Variants in VWA2 observed in about 807,000 individuals in gnomAD.
VWA2 encodes the protein von Willebrand factor A domain-containing protein 2.
In VWA2, 73 loss-of-function variants were observed where a neutral mutation model predicts 70.4. The ratio of observed to expected loss-of-function variants is 1.04; its 90% CI spans 0.86 to 1.26. The LOEUF (loss-of-function observed/expected upper bound fraction) is 1.26. Ranked by LOEUF, VWA2 falls within the 50% of genes most tolerant of loss-of-function variation. VWA2 has a pLI of 0.00. For synonymous variants in VWA2, 407 were observed against 423.3 expected, an observed-to-expected ratio of 0.96 and a Z score of 0.47; for missense variants, 1,011 against 998.5, an observed-to-expected ratio of 1.01 and a Z score of -0.17.
At chr10:114,277,050 A>G (rs2037860944) in intron 6 of VWA2, among the ~76,000 whole-genome samples, 1 of 151,650 alleles carries the variant, frequency 6.6e-6, no homozygotes. Flanking sequence ...GAGAATGGGA[A>G]GTTTTACAGA....
At chr10:114,288,163 G>A (rs2039141265) in intron 11 of VWA2, among the ~76,000 whole-genome samples, 1 of 152,184 alleles carries the variant, frequency 6.6e-6, no homozygotes, top group South Asian at 2.1e-4. Flanking sequence ...CACAGGAGAG[G>A]CCTTCTGGCT....
intron 1 of VWA2, chr10:114,246,275 C>G (rs1242513765): frequency 1.1e-4 from 74 of 664,842 alleles, no homozygotes; most frequent in South Asian, 1.1e-3. Flanking sequence ...CCGAGGCGGT[C>G]GTATCACCTG....
At position 114,290,354 on chromosome 10, in the gene VWA2, A is replaced by T. The variant is rs1464603137; in HGVS notation, c.2237A>T (p.His746Leu). The T allele has an allele frequency of 6.4e-7, 1 of 1,550,398 alleles. No homozygotes were observed. Among genetic ancestry groups the T allele is most frequent in the South Asian group, 1.2e-5 (1 of 84,062 alleles). The stretch of plus-strand genomic sequence containing the variant: ...TGTCGGGATGGCTGGGAGGGCCCCC[A>T]CTGCGAGAACCGTGAGTGGAGCTCT... The part of the protein sequence containing the change: ...CKCRDGWEGP[H>L]CENRFLRRP Residue 746 changes from histidine (H) to leucine (L), a missense_variant, in exon 13 of 14, where the codon CAC becomes CTC. Physicochemically the swap from His to Leu is moderately conservative, Grantham distance 99. Coordinates refer to ENST00000392982, the MANE Select transcript of VWA2 (RefSeq NM_001272046.2).
intron 11 of VWA2, among the ~76,000 whole-genome samples, chr10:114,288,724 T>G (rs193197594): frequency 5.9e-5 from 9 of 152,286 alleles, no homozygotes; most frequent in African/African-American, 2.2e-4. Flanking sequence ...TGCCAGGAAG[T>G]CTGGGAAATG....
chr10:114,279,026 A>G (rs879917038), intron 8 of VWA2, among the ~76,000 whole-genome samples, 175 bp downstream of exon 8: 2 of 152,146 alleles, frequency 1.3e-5, no homozygotes, highest in Non-Finnish European at 2.9e-5. Context: ...ACAGCTACTC[A>G]GTGTCAGCAT....
At chr10:114,256,530 G>A (rs2037331721) in intron 4 of VWA2, among the ~76,000 whole-genome samples, 1 of 152,118 alleles carries the variant, frequency 6.6e-6, no homozygotes, top group Admixed American at 6.6e-5. Flanking sequence ...GAGTTGACAG[G>A]GCACAAGGCC....
intron 10 of VWA2, among the ~76,000 whole-genome samples, chr10:114,285,321 G>A (rs893069347): frequency 5.9e-5 from 9 of 152,238 alleles, no homozygotes; most frequent in African/African-American, 1.7e-4. Context: ...TGAAAGCAGA[G>A]CAAGGAGCCC....
chr10:114,244,700 G>T (rs1024213298), intron 1 of VWA2, among the ~76,000 whole-genome samples: 2 of 152,204 alleles, frequency 1.3e-5, no homozygotes, highest in African/African-American at 4.8e-5. Context: ...GGAAAATTTT[G>T]ATATGAGAGG....
Position 114,288,933 on chromosome 10 carries a change from T to C in VWA2, c.1571-5T>C. 6.3e-7 allele frequency: 1 copy of C among 1,598,218 alleles called. No individual in the cohort carries two copies. ...CTGCTGAAGCCCCTCTGCTTGCTCC[T>C]GCAGGGTGCCGGACACAAGCCCTGG... On this transcript the variant is annotated splice_region_variant and splice_polypyrimidine_tract_variant and intron_variant, in intron 11 of 13. Transcript: ENST00000392982.
At position 114,286,413 on chromosome 10, in the gene VWA2, C is replaced by T; in HGVS notation, c.1472C>T (p.Thr491Ile). The T allele has an allele frequency of 6.2e-7, 1 of 1,613,910 alleles. No individual in the cohort carries two copies. Among genetic ancestry groups the T allele is most frequent in the Non-Finnish European group, 8.5e-7 (1 of 1,180,010 alleles). Residue 491 changes from threonine to isoleucine, a missense_variant, in exon 11 of 14, where the codon ACA becomes ATA. By Grantham distance (89) the Thr-to-Ile change is moderately conservative. Coordinates refer to ENST00000392982, the MANE Select transcript of VWA2 (RefSeq NM_001272046.2). ...EAVRAELEEI[T>I]GSPKHVMVYS... ...GTGCGGGCAGAGCTGGAGGAGATCA[C>T]AGGCAGCCCAAAGCATGTGATGGTC...
At position 114,289,154 on chromosome 10, in the gene VWA2, G is replaced by C. The variant is rs147215815; in HGVS notation, c.1787G>C (p.Arg596Pro). Reference sequence around the variant, plus strand: ...AAACCCACCCGGGCTGCGATGCTGCGGGCCATTAGCCAGGCCCCCTACCTA... The same window carrying C: ...AAACCCACCCGGGCTGCGATGCTGCCGGCCATTAGCCAGGCCCCCTACCTA... The part of the protein sequence containing the change: ...DTKPTRAAML[R>P]AISQAPYLGG... The change falls in exon 12 of 14, where the codon CGG becomes CCG. Residue 596 changes from arginine to proline, a missense_variant. Transcript: ENST00000392982. The C allele has an allele frequency of 2.5e-6, 4 of 1,613,750 alleles. No homozygotes were observed. The African/African-American group carries it at 4.0e-5, about 16-fold the overall frequency.
intron 4 of VWA2, among the ~76,000 whole-genome samples, chr10:114,260,063 A>G (rs1223450851): frequency 2.6e-5 from 4 of 152,210 alleles, no homozygotes; most frequent in Non-Finnish European, 5.9e-5. Context: ...TTGCTTAAAT[A>G]TGACTCACTT....
intron 5 of VWA2, among the ~76,000 whole-genome samples, chr10:114,270,710 G>A (rs978510393): frequency 6.6e-6 from 1 of 152,208 alleles, no homozygotes. Flanking sequence ...TCAGAATCGG[G>A]TTGGTGGTCT....
chr10:114,286,618 G>GTGGTTTCAGCCCCT, intron 11 of VWA2, 107 bp downstream of exon 11: 2 of 945,642 alleles, frequency 2.1e-6, no homozygotes, highest in Non-Finnish European at 3.1e-6. Flanking sequence ...TCTAGGGGCT[G>GTGGTTTCAGCCCCT]AAACCACAGC....
intron 1 of VWA2, among the ~76,000 whole-genome samples, chr10:114,244,737 T>C (rs1283470283): frequency 3.3e-5 from 5 of 152,246 alleles, no homozygotes; most frequent in African/African-American, 1.2e-4. Context: ...TCGAGATGAC[T>C]GGATGGGAAT....
intron 5 of VWA2, among the ~76,000 whole-genome samples, chr10:114,261,878 G>A (rs779497503): frequency 9.2e-5 from 14 of 152,172 alleles, no homozygotes; most frequent in Non-Finnish European, 1.9e-4. Context: ...GGCTGTACAG[G>A]AAGCATAATG....
intron 4 of VWA2, among the ~76,000 whole-genome samples, chr10:114,255,413 C>T (rs921422530): frequency 3.9e-5 from 6 of 152,196 alleles, no homozygotes; most frequent in African/African-American, 1.2e-4. Flanking sequence ...TTGGGCAGGC[C>T]TAGGTCACAT....
At chr10:114,250,069 A>G (rs189984403) in intron 2 of VWA2, among the ~76,000 whole-genome samples, 9 of 152,242 alleles carry the variant, frequency 5.9e-5, no homozygotes, top group South Asian at 2.1e-4. Flanking sequence ...CCCCAGCACA[A>G]TTCCCCTGGG....
chr10:114,288,982 T>C lies in VWA2; in HGVS notation c.1615T>C (p.Ser539Pro). The change falls in exon 12 of 14, where the codon TCT becomes CCT. Residue 539 changes from serine to proline, a missense_variant. Ser to Pro is a moderately conservative substitution (Grantham distance 74). Transcript: ENST00000392982. ...ALDLVFMLDT[S>P]ASVGPENFAQ... ...GGACCTCGTCTTCATGTTGGACACC[T>C]CTGCCTCAGTAGGGCCCGAGAATTT... 6.2e-7 allele frequency: 1 copy of C among 1,614,014 alleles called. No homozygotes were observed. Among genetic ancestry groups the C allele is most frequent in the Non-Finnish European group, 8.5e-7 (1 of 1,179,964 alleles).
Sources: allele counts gnomAD v4.1 joint callset (sites outside exome capture counted in the v4.1 genomes callset), GRCh38; gene constraint gnomAD v4.1.1; transcripts MANE v1.5; gene names NCBI Gene and HGNC (gene_info 2026-07-23, HGNC 2026-07-21).